Variants in TNKS observed in about 807,000 individuals in gnomAD.
TNKS encodes the protein tankyrase.
A neutral mutation model predicts 135.8 loss-of-function variants in TNKS; 72 were observed. The ratio of observed to expected loss-of-function variants is 0.53; its 90% CI spans 0.44 to 0.64. TNKS has a LOEUF of 0.64. Among genes scored for constraint, TNKS ranks in the 30% least tolerant of loss-of-function variants. The pLI, the probability that TNKS is intolerant of heterozygous loss-of-function variation, is 0.00. For synonymous variants in TNKS, 849 were observed against 649.3 expected, an observed-to-expected ratio of 1.31 and a Z score of -4.68; for missense variants, 1,769 against 1,674.0, an observed-to-expected ratio of 1.06 and a Z score of -0.99.
chr8:9,650,525 A>T (rs1213860027), intron 3 of TNKS, among the ~76,000 whole-genome samples: 2 of 152,198 alleles, frequency 1.3e-5, no homozygotes, highest in Non-Finnish European at 2.9e-5. Context: ...CAGAAGTAAG[A>T]TGGTATCTCA....
intron 11 of TNKS, among the ~76,000 whole-genome samples, chr8:9,710,753 G>A (rs1056987247): frequency 4.6e-5 from 7 of 152,010 alleles, no homozygotes; most frequent in East Asian, 3.9e-4. Flanking sequence ...AAAATTAGCC[G>A]GGCGTGGTGG....
At chr8:9,701,750 C>T (rs1356618773) in intron 5 of TNKS, among the ~76,000 whole-genome samples, 2 of 152,148 alleles carry the variant, frequency 1.3e-5, no homozygotes, top group Admixed American at 6.5e-5. Context: ...CAGGAGGAAC[C>T]TGATGGTCTC....
intron 2 of TNKS, among the ~76,000 whole-genome samples, chr8:9,588,615 T>C (rs1294173116): frequency 6.6e-6 from 1 of 152,236 alleles, no homozygotes; most frequent in East Asian, 1.9e-4. Flanking sequence ...AATTTTATTG[T>C]CTGCAATATG....
At chr8:9,692,353 C>T (rs1019820883) in intron 5 of TNKS, among the ~76,000 whole-genome samples, 37 of 152,150 alleles carry the variant, frequency 2.4e-4, no homozygotes, top group African/African-American at 8.7e-4. Flanking sequence ...GCATCCATGT[C>T]GCTGTAAAGG....
intron 20 of TNKS, among the ~76,000 whole-genome samples, chr8:9,758,283 T>C (rs1806950263): frequency 6.6e-6 from 1 of 152,220 alleles, no homozygotes. Context: ...TGTATATTTA[T>C]ATTCAGTTGC....
intron 3 of TNKS, among the ~76,000 whole-genome samples, chr8:9,679,391 A>G (rs1367974323): frequency 1.3e-5 from 2 of 152,204 alleles, no homozygotes; most frequent in Non-Finnish European, 1.5e-5. Flanking sequence ...TTTCTAGTCT[A>G]CAGACCTTGC....
chr8:9,675,087 C>G (rs78865737), intron 3 of TNKS, among the ~76,000 whole-genome samples: 3 of 152,252 alleles, frequency 2.0e-5, no homozygotes, highest in African/African-American at 7.2e-5. Flanking sequence ...GAGTATCAGT[C>G]TGTCTGAATA....
At chr8:9,587,465 T>C (rs866184844) in intron 2 of TNKS, among the ~76,000 whole-genome samples, 1 of 151,634 alleles carries the variant, frequency 6.6e-6, no homozygotes, top group African/African-American at 2.4e-5. Flanking sequence ...AGTGGCACAG[T>C]CTCGGCTCAC....
chr8:9,679,278 C>T, intron 3 of TNKS, among the ~76,000 whole-genome samples: 1 of 152,088 alleles, frequency 6.6e-6, no homozygotes, highest in South Asian at 2.1e-4. Context: ...ATTAAGATTA[C>T]AGCATGTCAG....
chr8:9,678,136 C>A (rs377730435), intron 3 of TNKS, among the ~76,000 whole-genome samples: 1 of 152,132 alleles, frequency 6.6e-6, no homozygotes, highest in Non-Finnish European at 1.5e-5. Flanking sequence ...GTGTCTTTCG[C>A]GTTAAAATCT....
At chr8:9,702,400 G>A (rs904315084) in intron 5 of TNKS, among the ~76,000 whole-genome samples, 1 of 152,128 alleles carries the variant, frequency 6.6e-6, no homozygotes, top group Non-Finnish European at 1.5e-5. Flanking sequence ...TATTAATGTA[G>A]AGGAAATATT....
intron 3 of TNKS, among the ~76,000 whole-genome samples, chr8:9,647,544 G>T (rs1184130179): frequency 6.6e-6 from 1 of 152,164 alleles, no homozygotes; most frequent in Non-Finnish European, 1.5e-5. Context: ...AGAGGCTAGA[G>T]AACAACCCAG....
At chr8:9,765,843 A>G (rs776526755) in intron 24 of TNKS, 46 bp downstream of exon 24, 24 of 1,512,966 alleles carry the variant, frequency 1.6e-5, no homozygotes, top group Non-Finnish European at 5.5e-6. Flanking sequence ...GGGCCTTTGC[A>G]GGAGTCAGTA....
chr8:9,575,158 C>A, intron 1 of TNKS: 3 of 801,974 alleles, frequency 3.7e-6, no homozygotes, highest in African/African-American at 1.9e-5. Flanking sequence ...GCGATCTCGG[C>A]TCATTGCAAG....
chr8:9,769,272 C>T (rs1807654890), intron 25 of TNKS, among the ~76,000 whole-genome samples: 1 of 152,228 alleles, frequency 6.6e-6, no homozygotes, highest in Non-Finnish European at 1.5e-5. Flanking sequence ...CTATAGCTTG[C>T]TAACCCCTGG....
At chr8:9,736,350 T>TAAAAAAAAAAAAAAAAAAAAAAAA (rs1204895063) in intron 17 of TNKS, among the ~76,000 whole-genome samples, 1 of 87,472 alleles carries the variant, frequency 1.1e-5, no homozygotes, top group African/African-American at 4.2e-5. Context: ...AGACCTCATC[T>TAAAAAAAAAAAAAAAAAAAAAAAA]AAAAAAAAAA....
intron 3 of TNKS, among the ~76,000 whole-genome samples, chr8:9,650,415 A>G (rs1286922867): frequency 6.6e-6 from 1 of 152,090 alleles, no homozygotes; most frequent in East Asian, 1.9e-4. Flanking sequence ...TAGTGGTTTT[A>G]CTAGTTTGCA....
At chr8:9,646,403 C>G (rs531763967) in intron 3 of TNKS, among the ~76,000 whole-genome samples, 4 of 152,058 alleles carry the variant, frequency 2.6e-5, no homozygotes, top group African/African-American at 7.2e-5. Flanking sequence ...TCTTCATTTT[C>G]TAGCTTGTAT....
chr8:9,671,432 A>T (rs570853220), intron 3 of TNKS, among the ~76,000 whole-genome samples: 1 of 152,240 alleles, frequency 6.6e-6, no homozygotes, highest in Non-Finnish European at 1.5e-5. Flanking sequence ...AATAAGAAGG[A>T]TCAAAGTACC....
Sources: allele counts gnomAD v4.1 joint callset (sites outside exome capture counted in the v4.1 genomes callset), GRCh38; gene constraint gnomAD v4.1.1; transcripts MANE v1.5; gene names NCBI Gene and HGNC (gene_info 2026-07-23, HGNC 2026-07-21).